Variants in ALK observed in about 807,000 individuals in gnomAD.
The protein encoded by ALK is ALK tyrosine kinase receptor.
ALK carries 74 observed loss-of-function variants against 163.1 expected under a neutral mutation model. That is an observed-to-expected ratio of 0.45 (90% CI 0.38 to 0.55). The LOEUF (loss-of-function observed/expected upper bound fraction) is 0.55. ALK is among the 20% of genes least tolerant of loss of function. ALK has a pLI of 0.00. For missense variants in ALK, 2,063 were observed against 2,105.3 expected (o/e 0.98, Z 0.39); for synonymous variants, 960 against 843.2 (o/e 1.14, Z -2.40).
intron 3 of ALK, among the ~76,000 whole-genome samples, chr2:29,674,670 C>G (rs1677817773): frequency 6.6e-6 from 1 of 151,512 alleles, no homozygotes; most frequent in East Asian, 1.9e-4. Context: ...GCTTTGGTAT[C>G]AGAATGATGC....
intron 1 of ALK, among the ~76,000 whole-genome samples, chr2:29,718,811 T>C (rs1245218749): frequency 6.6e-6 from 1 of 152,138 alleles, no homozygotes; most frequent in East Asian, 1.9e-4. Flanking sequence ...GCTATTCTGG[T>C]GGTAACTGTT....
chr2:29,734,252 A>G (rs554773327), intron 1 of ALK, among the ~76,000 whole-genome samples: 1 of 152,320 alleles, frequency 6.6e-6, no homozygotes, highest in African/African-American at 2.4e-5. Context: ...GTTCCAAGAA[A>G]AGGTGCTGCA....
At chr2:29,891,030 T>A (rs1253257607) in intron 1 of ALK, 1 of 152,156 alleles carries the variant, frequency 6.6e-6, no homozygotes, top group Non-Finnish European at 1.5e-5. Context: ...TCTATAAAAA[T>A]GGGGATAGTA....
chr2:29,640,072 T>C (rs1676658102), intron 3 of ALK, among the ~76,000 whole-genome samples: 2 of 152,210 alleles, frequency 1.3e-5, no homozygotes, highest in South Asian at 4.1e-4. Flanking sequence ...CAGCACCTAA[T>C]GCTGCGAATT....
chr2:29,546,182 G>C (rs1673549045), intron 3 of ALK, among the ~76,000 whole-genome samples: 1 of 152,092 alleles, frequency 6.6e-6, no homozygotes, highest in Admixed American at 6.5e-5. Context: ...GACCCTGTTA[G>C]ATCTCACCTC....
chr2:29,405,033 A>G (rs1558310062), intron 4 of ALK, among the ~76,000 whole-genome samples: 1 of 152,214 alleles, frequency 6.6e-6, no homozygotes, highest in Non-Finnish European at 1.5e-5. Context: ...AAAGTAGTTC[A>G]AGTTTAAAAG....
At chr2:29,698,965 A>G (rs981707821) in intron 2 of ALK, among the ~76,000 whole-genome samples, 9 of 152,236 alleles carry the variant, frequency 5.9e-5, no homozygotes, top group Non-Finnish European at 1.3e-4. Flanking sequence ...AACTAGCCTC[A>G]GTGCCTCTTG....
At chr2:29,350,310 T>A (rs938623512) in intron 5 of ALK, among the ~76,000 whole-genome samples, 1 of 152,214 alleles carries the variant, frequency 6.6e-6, no homozygotes, top group African/African-American at 2.4e-5. Context: ...GACTGTATTA[T>A]TTTATTCTGC....
chr2:29,376,092 C>T (rs1188295904), intron 5 of ALK, among the ~76,000 whole-genome samples: 1 of 152,004 alleles, frequency 6.6e-6, no homozygotes, highest in Non-Finnish European at 1.5e-5. Flanking sequence ...ATAACCTCTC[C>T]TCCGTCCAGA....
At chr2:29,725,506 A>T (rs371009736) in intron 1 of ALK, among the ~76,000 whole-genome samples, 146 of 152,216 alleles carry the variant, frequency 9.6e-4, no homozygotes, top group African/African-American at 3.5e-3. Context: ...TTGGGCCCTG[A>T]CCTCCTTAAC....
intron 1 of ALK, among the ~76,000 whole-genome samples, chr2:29,867,581 T>C (rs1281930850): frequency 6.6e-6 from 1 of 152,090 alleles, no homozygotes; most frequent in African/African-American, 2.4e-5. Context: ...TGGGATGTGT[T>C]TTAAATTCCT....
intron 4 of ALK, among the ~76,000 whole-genome samples, chr2:29,452,599 C>G (rs1670850383): frequency 6.6e-6 from 1 of 152,160 alleles, no homozygotes. Flanking sequence ...TGATGAGAAA[C>G]AGGATATTTA....
rs372440265 is a variant in ALK at position 29,193,276 on chromosome 2, T to C, written c.4811A>G (p.Tyr1604Cys). Residue 1604 changes from tyrosine to cysteine, a missense_variant, in exon 29 of 29, where the codon TAC becomes TGC. Tyr to Cys is a radical substitution (Grantham distance 194). This residue lies in a region of ALK where 403 missense variants were observed against 366.2 expected (regional missense o/e 1.10). Transcript: ENST00000389048. ...CTTGCTTTTCAGAATGGTATCCTCGTAATGACCAGCTCCAGGGGCAGTAGC... is the reference window on the plus strand; with the variant it reads ...CTTGCTTTTCAGAATGGTATCCTCGCAATGACCAGCTCCAGGGGCAGTAGC... ...EAATAPGAGH[Y>C]EDTILKSKNS... 7.4e-6 allele frequency: 12 copies of C among 1,614,060 alleles called. No individual in the cohort carries two copies. The African/African-American group carries it at 1.6e-4, about 22-fold the overall frequency.
chr2:29,895,957 G>A (rs1019748592), intron 1 of ALK, among the ~76,000 whole-genome samples: 2 of 152,170 alleles, frequency 1.3e-5, no homozygotes, highest in African/African-American at 4.8e-5. Context: ...TGTGTTTGAT[G>A]CCAGAACATT....
intron 1 of ALK, among the ~76,000 whole-genome samples, chr2:29,829,551 T>C (rs1249822140): frequency 6.6e-6 from 1 of 152,202 alleles, no homozygotes; most frequent in Admixed American, 6.5e-5. Context: ...ACTTTAGGCT[T>C]ATCACAGGAT....
intron 5 of ALK, among the ~76,000 whole-genome samples, chr2:29,364,701 G>A (rs376634364): frequency 3.1e-3 from 472 of 152,324 alleles, no homozygotes; most frequent in South Asian, 6.2e-3. Flanking sequence ...GAGACCAAAT[G>A]TGGAACAGGG....
chr2:29,281,160 C>T (rs1200957776), intron 9 of ALK, among the ~76,000 whole-genome samples: 1 of 152,206 alleles, frequency 6.6e-6, no homozygotes, highest in Non-Finnish European at 1.5e-5. Flanking sequence ...TGACATATAC[C>T]AGATGAGCCA....
intron 4 of ALK, among the ~76,000 whole-genome samples, chr2:29,471,031 A>T (rs547523538): frequency 6.6e-6 from 1 of 152,324 alleles, no homozygotes; most frequent in East Asian, 1.9e-4. Context: ...GGTAACCATG[A>T]ACAGCATAGT....
intron 1 of ALK, among the ~76,000 whole-genome samples, chr2:29,888,252 T>TG (rs201215086): frequency 6.9e-5 from 10 of 145,500 alleles, no homozygotes; most frequent in African/African-American, 2.1e-4. Flanking sequence ...AATTGTTTTT[T>TG]TTTTTTTTTA....
Sources: gnomAD v4.1 joint callset for allele counts (sites outside exome capture counted in the v4.1 genomes callset) on GRCh38, gnomAD v4.1.1 for gene constraint, gnomAD v4.1.1 regional missense constraint, MANE v1.5 for transcripts, NCBI Gene and HGNC (gene_info 2026-07-23, HGNC 2026-07-21) for gene names.